The following SPOCK1 variants were observed in gnomAD, a reference collection of about 807,000 sequenced individuals.
The protein encoded by SPOCK1 is SPARC (osteonectin), cwcv and kazal like domains proteoglycan 1.
In SPOCK1, 23 loss-of-function variants were observed where a neutral mutation model predicts 55.3. The observed-to-expected ratio is 0.42, with a 90% CI of 0.30 to 0.59. The LOEUF (loss-of-function observed/expected upper bound fraction) is 0.59. SPOCK1 is among the 20% of genes least tolerant of loss of function. The probability of loss-of-function intolerance (pLI) is 0.22; values close to 1 mark genes in which losing one functional copy is unlikely to be tolerated. For synonymous variants in SPOCK1, 226 were observed against 221.0 expected, an observed-to-expected ratio of 1.02 and a Z score of -0.20; for missense variants, 499 against 552.5, an observed-to-expected ratio of 0.90 and a Z score of 0.97.
At chr5:137,450,258 G>T (rs948383474) in intron 2 of SPOCK1, among the ~76,000 whole-genome samples, 1 of 152,142 alleles carries the variant, frequency 6.6e-6, no homozygotes, top group African/African-American at 2.4e-5. Flanking sequence ...CTGTTCTAGG[G>T]AATTTATCAC....
At chr5:137,470,287 T>G (rs559749209) in intron 2 of SPOCK1, among the ~76,000 whole-genome samples, 21 of 152,364 alleles carry the variant, frequency 1.4e-4, no homozygotes, top group African/African-American at 4.8e-4. Context: ...TTTAAATTTT[T>G]GCTGATTGAT....
In SPOCK1 at chr5:136,979,454, C is replaced by T. The variant is rs535025555; in HGVS notation, c.1007G>A (p.Arg336Gln). The change falls in exon 10 of 11, where the codon CGG (arginine) becomes CAG (glutamine). Residue 336 changes from arginine (R) to glutamine (Q), a missense_variant. Arg to Gln is a conservative substitution (Grantham distance 43). This residue lies in a region of SPOCK1 where 30 missense variants were observed against 64.4 expected (regional missense o/e 0.47). Transcript: ENST00000394945. ...GKSLLGAFIP[R>Q]CNEEGYYKAT... is the part of the protein sequence containing the mutation. ...TTTGTAATAGCCCTCCTCATTACAC[C>T]GAGGTATGAAGGCCCCTGGGGGAAC... 1.9e-5 allele frequency: 31 copies of T among 1,613,880 alleles called. No homozygotes were observed. Among genetic ancestry groups the T allele is most frequent in the East Asian group, 6.7e-5 (3 of 44,866 alleles).
intron 2 of SPOCK1, among the ~76,000 whole-genome samples, chr5:137,391,992 C>A (rs1195538699): frequency 1.3e-5 from 2 of 152,210 alleles, no homozygotes; most frequent in Non-Finnish European, 2.9e-5. Flanking sequence ...CACCTTCACA[C>A]TGACCTCCAC....
At chr5:137,429,569 T>C (rs1312928364) in intron 2 of SPOCK1, among the ~76,000 whole-genome samples, 1 of 152,184 alleles carries the variant, frequency 6.6e-6, no homozygotes, top group Non-Finnish European at 1.5e-5. Context: ...TAGTAGGCAA[T>C]CAGTAAGTAT....
At chr5:137,092,351 C>T (rs1402609277) in intron 5 of SPOCK1, among the ~76,000 whole-genome samples, 3 of 152,184 alleles carry the variant, frequency 2.0e-5, no homozygotes, top group Non-Finnish European at 2.9e-5. Context: ...CCTGAGGAAG[C>T]GACCGAGGGG....
chr5:137,341,073 C>T (rs180761418), intron 2 of SPOCK1, among the ~76,000 whole-genome samples: 90 of 152,322 alleles, frequency 5.9e-4, no homozygotes, highest in African/African-American at 2.1e-3. Context: ...AGTCAACATG[C>T]ACATCTGTGA....
chr5:137,022,861 A>G (rs1160582177), intron 6 of SPOCK1, among the ~76,000 whole-genome samples: 1 of 152,162 alleles, frequency 6.6e-6, no homozygotes, highest in African/African-American at 2.4e-5. Flanking sequence ...CATAGATAGA[A>G]TTCTCCACTG....
At chr5:137,158,195 C>T (rs549485666) in intron 3 of SPOCK1, among the ~76,000 whole-genome samples, 3 of 152,296 alleles carry the variant, frequency 2.0e-5, no homozygotes, top group South Asian at 2.1e-4. Flanking sequence ...GATTCCATCC[C>T]AGTGACTGTC....
intron 2 of SPOCK1, among the ~76,000 whole-genome samples, chr5:137,397,532 G>C (rs939477071): frequency 6.6e-6 from 1 of 152,148 alleles, no homozygotes; most frequent in Non-Finnish European, 1.5e-5. Flanking sequence ...CTGGATGTCA[G>C]GTTTATTCAT....
At chr5:137,195,530 G>A (rs1755280701) in intron 3 of SPOCK1, among the ~76,000 whole-genome samples, 1 of 152,262 alleles carries the variant, frequency 6.6e-6, no homozygotes, top group South Asian at 2.1e-4. Context: ...AGAGGAAGAT[G>A]TGGGAGCTGG....
chr5:137,305,020 G>A (rs1304895128), intron 2 of SPOCK1, among the ~76,000 whole-genome samples: 2 of 152,174 alleles, frequency 1.3e-5, no homozygotes, highest in African/African-American at 2.4e-5. Context: ...CATTCCCTCT[G>A]AAAGCTGTAG....
chr5:137,468,236 A>C (rs749857341), intron 2 of SPOCK1, among the ~76,000 whole-genome samples: 38 of 152,358 alleles, frequency 2.5e-4, no homozygotes, highest in Non-Finnish European at 5.3e-4. Flanking sequence ...GTTAAAGAGA[A>C]CAGAGGGCTG....
chr5:137,359,253 A>G (rs1750888508), intron 2 of SPOCK1, among the ~76,000 whole-genome samples: 1 of 152,050 alleles, frequency 6.6e-6, no homozygotes, highest in Non-Finnish European at 1.5e-5. Context: ...TTTGCATGAT[A>G]CTCTCATTTG....
At chr5:136,993,931 A>C (rs1200672520) in intron 6 of SPOCK1, among the ~76,000 whole-genome samples, 1 of 152,232 alleles carries the variant, frequency 6.6e-6, no homozygotes, top group African/African-American at 2.4e-5. Flanking sequence ...CTTCTCCAGA[A>C]GAAAATACCA....
intron 3 of SPOCK1, among the ~76,000 whole-genome samples, chr5:137,163,715 A>G (rs1339571323): frequency 6.6e-6 from 1 of 152,186 alleles, no homozygotes; most frequent in African/African-American, 2.4e-5. Context: ...TTCAAGGCCT[A>G]TTCTCTTAGT....
chr5:137,036,469 T>TA (rs1751886396), intron 6 of SPOCK1, among the ~76,000 whole-genome samples: 1 of 152,200 alleles, frequency 6.6e-6, no homozygotes. Context: ...TTGTACAATA[T>TA]AAAACTATCA....
intron 5 of SPOCK1, among the ~76,000 whole-genome samples, chr5:137,096,767 T>C (rs1753155229): frequency 6.6e-6 from 1 of 152,228 alleles, no homozygotes; most frequent in Admixed American, 6.5e-5. Context: ...TGTAAACATA[T>C]TTAAAATCCA....
At chr5:137,066,562 A>C (rs895351427) in intron 6 of SPOCK1, among the ~76,000 whole-genome samples, 1 of 152,242 alleles carries the variant, frequency 6.6e-6, no homozygotes, top group Non-Finnish European at 1.5e-5. Context: ...TTTCTGGGCT[A>C]CGTAGTTGCT....
intron 3 of SPOCK1, among the ~76,000 whole-genome samples, chr5:137,141,177 T>C (rs1278439081): frequency 6.6e-6 from 1 of 152,240 alleles, no homozygotes; most frequent in African/African-American, 2.4e-5. Context: ...CAGGGGAAAT[T>C]CTGTGTCTAT....
Sources: allele counts gnomAD v4.1 joint callset (sites outside exome capture counted in the v4.1 genomes callset), GRCh38; gene constraint gnomAD v4.1.1; regional missense constraint gnomAD v4.1.1; transcripts MANE v1.5; gene names NCBI Gene and HGNC (gene_info 2026-07-23, HGNC 2026-07-21).